Variants in HERC1 observed in about 807,000 individuals in gnomAD.
HERC1 encodes the protein HECT and RLD domain containing E3 ubiquitin protein ligase family member 1, also known as probable E3 ubiquitin-protein ligase HERC1.
Under a neutral mutation model 554.3 loss-of-function variants are expected in HERC1, and 160 were observed. That is an observed-to-expected ratio of 0.29 (90% confidence interval 0.25 to 0.33). The LOEUF is 0.33. Ranked by LOEUF, HERC1 falls within the 10% of genes least tolerant of loss-of-function variation. The pLI is 1.00. For missense variants in HERC1, 4,919 were observed against 5,918.5 expected, an observed-to-expected ratio of 0.83 and a Z score of 5.54; for synonymous variants, 2,175 against 2,131.7, an observed-to-expected ratio of 1.02 and a Z score of -0.56.
In HERC1 at chr15:63,749,391, G is replaced by A; in HGVS notation, c.2195C>T (p.Ala732Val). The change falls in exon 10 of 78, where the codon GCA (alanine) becomes GTA (valine). Residue 732 changes from alanine (A) to valine (V), a missense_variant. Ala to Val is a moderately conservative substitution (Grantham distance 64). Transcript: ENST00000443617. The surrounding 1 kb of genome is among the most constrained non-coding windows in gnomAD (Gnocchi z 4.1). ...CCTGTCCCTAGGAAGAGCAGTCCAT[G>A]CCAGACTATGTGATGTTCCAGCCGA... ...QISAGTSHSL[A>V]WTALPRDRQV... 1 of 1,613,166 alleles carries A rather than the reference G, an allele frequency of 6.2e-7. No individual in the cohort carries two copies. Among genetic ancestry groups the A allele is most frequent in the Non-Finnish European group, 8.5e-7 (1 of 1,179,544 alleles).
chr15:63,656,216 G>A lies in HERC1; in HGVS notation c.9742C>T (p.Arg3248Ter), dbSNP rs554917974. ...GCCTTGCTATGCCCACCTCGTGATC[G>A]TTCTGAGGTGCTAGCCATGGCAGAA... ...SPSAMASTSE[R>*]SRGGHSKANK... The change falls in exon 49 of 78, where the codon CGA (arginine) becomes TGA (stop). Residue 3248 changes from arginine to a stop codon, truncating the protein, a stop_gained. Coordinates refer to ENST00000443617, the MANE Select transcript of HERC1 (RefSeq NM_003922.4). LOFTEE classifies it high-confidence loss of function. 1.9e-6 allele frequency: 3 copies of A among 1,613,362 alleles called. No homozygotes were observed. The highest frequency in any genetic ancestry group is 2.2e-5 in the East Asian group (1 of 44,828).
intron 1 of HERC1, among the ~76,000 whole-genome samples, chr15:63,806,210 G>C (rs2077134581): frequency 6.6e-6 from 1 of 150,934 alleles, no homozygotes; most frequent in South Asian, 2.1e-4. Context: ...CTGTTGCCCA[G>C]GCTAGAGTGC....
chr15:63,675,819 T>A (rs1194952775), intron 37 of HERC1, among the ~76,000 whole-genome samples: 1 of 152,116 alleles, frequency 6.6e-6, no homozygotes, highest in Non-Finnish European at 1.5e-5. Context: ...AAATCTTGGT[T>A]CTATATTACC....
intron 2 of HERC1, 101 bp downstream of exon 2, chr15:63,774,593 A>G (rs2076063483): frequency 1.2e-6 from 1 of 859,014 alleles, no homozygotes; most frequent in Non-Finnish European, 1.8e-6. Context: ...ACAATCACCA[A>G]AAGTCTCAAA....
intron 1 of HERC1, among the ~76,000 whole-genome samples, chr15:63,783,484 T>C (rs1250368526): frequency 1.3e-5 from 2 of 152,204 alleles, no homozygotes; most frequent in African/African-American, 2.4e-5. Context: ...CTTAACAGAC[T>C]ACAGTATACG....
At chr15:63,684,964 G>A (rs1352352300) in intron 34 of HERC1, among the ~76,000 whole-genome samples, 1 of 152,176 alleles carries the variant, frequency 6.6e-6, no homozygotes, top group Admixed American at 6.5e-5. Context: ...AGCCAAGATC[G>A]CACCACTGCA....
intron 1 of HERC1, among the ~76,000 whole-genome samples, chr15:63,787,473 T>A (rs2076495202): frequency 6.6e-6 from 1 of 151,994 alleles, no homozygotes; most frequent in South Asian, 2.1e-4. Context: ...TTATTTAAAT[T>A]AAAAAAATAT....
chr15:63,823,322 T>C (rs545629203), intron 1 of HERC1, among the ~76,000 whole-genome samples: 1 of 152,290 alleles, frequency 6.6e-6, no homozygotes, highest in South Asian at 2.1e-4. Flanking sequence ...AACTGGCATA[T>C]AGATAGTATT....
chr15:63,778,300 A>G (rs955138714), intron 1 of HERC1, among the ~76,000 whole-genome samples: 12 of 152,334 alleles, frequency 7.9e-5, no homozygotes, highest in Non-Finnish European at 1.5e-4. Context: ...AGTGACTCCC[A>G]GAAAGATTAA....
rs2075908033 is a variant in HERC1, at chr15:63,770,191, C to G, written c.930+4503G>C. 2.6e-5 allele frequency among the ~76,000 whole-genome samples: 4 copies of G among 152,170 alleles called. No homozygotes were observed. In the South Asian group the frequency reaches 6.2e-4, roughly 24 times the overall value. On this transcript the variant is annotated intron_variant, in intron 2 of 77. Transcript: ENST00000443617. ...CTCAATCGCTTTGTGAGCCTCTCAT[C>G]TGAAAAGTTCTCCAGCTCCCCTGAC...
chr15:63,676,401 T>A (rs1464118968), intron 37 of HERC1, among the ~76,000 whole-genome samples: 1 of 152,150 alleles, frequency 6.6e-6, no homozygotes, highest in African/African-American at 2.4e-5. Context: ...GCTAAGATGA[T>A]CCATAGCATT....
intron 7 of HERC1, 29 bp from the exon 8 acceptor site, chr15:63,753,114 A>C: frequency 6.6e-7 from 1 of 1,524,764 alleles, no homozygotes; most frequent in Non-Finnish European, 8.9e-7. Flanking sequence ...TAAACAATTT[A>C]CTTGTTTTAA....
intron 1 of HERC1, among the ~76,000 whole-genome samples, chr15:63,821,748 A>G (rs78111261): frequency 6.6e-6 from 1 of 151,098 alleles, no homozygotes; most frequent in African/African-American, 2.4e-5. Context: ...AAAAAAAAAA[A>G]AATCAGATAA....
intron 64 of HERC1, among the ~76,000 whole-genome samples, chr15:63,636,746 C>T (rs1004728192): frequency 1.3e-5 from 2 of 152,140 alleles, no homozygotes; most frequent in African/African-American, 4.8e-5. Context: ...ATCTCATTTT[C>T]TACTTTCACA....
At chr15:63,817,898 G>A (rs1317731192) in intron 1 of HERC1, among the ~76,000 whole-genome samples, 1 of 151,792 alleles carries the variant, frequency 6.6e-6, no homozygotes, top group Non-Finnish European at 1.5e-5. Flanking sequence ...ATAATAAAAA[G>A]ATAAGAAAAA....
At chr15:63,618,694 A>G (rs988571721) in intron 74 of HERC1, among the ~76,000 whole-genome samples, 1 of 152,172 alleles carries the variant, frequency 6.6e-6, no homozygotes, top group Non-Finnish European at 1.5e-5. Context: ...AGTGGTTTGT[A>G]GTTCTCCTTG....
At chr15:63,620,131 A>G (rs1322764334) in intron 74 of HERC1, among the ~76,000 whole-genome samples, 1 of 151,990 alleles carries the variant, frequency 6.6e-6, no homozygotes, top group Admixed American at 6.5e-5. Context: ...GTGGGCATTT[A>G]GTGCTATAAA....
At chr15:63,740,221 T>A (rs1415860579) in intron 12 of HERC1, among the ~76,000 whole-genome samples, 1 of 152,214 alleles carries the variant, frequency 6.6e-6, no homozygotes, top group Non-Finnish European at 1.5e-5. Flanking sequence ...CTTAGGATAA[T>A]ATTTAGAAGG....
Position 63,637,538 on chromosome 15 carries a change from G to T in HERC1, c.12199C>A (p.Leu4067Ile), listed in dbSNP as rs868578834. The change falls in exon 64 of 78, where the codon CTT (leucine) becomes ATT (isoleucine). Residue 4067 changes from leucine to isoleucine, a missense_variant. This residue lies in a region of HERC1 where 122 missense variants were observed against 195.2 expected (regional missense o/e 0.63). Coordinates refer to ENST00000443617, the MANE Select transcript of HERC1 (RefSeq NM_003922.4). ...GRLGQGNSDDLHVLTVISALQ... is the reference protein window; with the variant it reads ...GRLGQGNSDDIHVLTVISALQ... ...GCTGAAATAACTGTCAGCACATGAA[G>T]GTCATCTGAATTTCCTTGTCCTAAT... The T allele has an allele frequency of 6.4e-7, 1 of 1,566,966 alleles. No homozygotes were observed. The highest frequency in any genetic ancestry group is 8.7e-7 in the Non-Finnish European group (1 of 1,154,256).
Sources: allele counts gnomAD v4.1 joint callset (sites outside exome capture counted in the v4.1 genomes callset), GRCh38; gene constraint gnomAD v4.1.1; regional missense constraint gnomAD v4.1.1; non-coding constraint Gnocchi (gnomAD v3.1); transcripts MANE v1.5; gene names NCBI Gene and HGNC (gene_info 2026-07-23, HGNC 2026-07-21).